The following ERAP1 variants were observed in gnomAD, a reference collection of about 807,000 sequenced individuals.
ERAP1 encodes the protein endoplasmic reticulum aminopeptidase 1, also known as adipocyte-derived leucine aminopeptidase.
ERAP1 carries 86 observed loss-of-function variants against 103.7 expected under a neutral mutation model. The ratio of observed to expected loss-of-function variants is 0.83; its 90% CI spans 0.70 to 0.99. The LOEUF is 0.99. ERAP1 is among the 50% of genes least tolerant of loss of function. The pLI, the probability that ERAP1 is intolerant of heterozygous loss-of-function variation, is 0.00. For missense variants in ERAP1, 1,009 were observed against 1,128.4 expected, an observed-to-expected ratio of 0.89 and a Z score of 1.52; for synonymous variants, 398 against 402.4, an observed-to-expected ratio of 0.99 and a Z score of 0.13.
chr5:96,821,331 A>G, the ERAP1 span, among the ~76,000 whole-genome samples: 1 of 152,250 alleles, frequency 6.6e-6, no homozygotes, highest in Non-Finnish European at 1.5e-5. Context: ...CCAAGATGAC[A>G]TATAAAATTA....
chr5:96,761,162 C>T (rs993390086), exon 20 of ERAP1: 2 of 152,018 alleles, frequency 1.3e-5, no homozygotes, highest in East Asian at 3.8e-4. Flanking sequence ...TATAGCTTTG[C>T]GATACAAATT....
At chr5:96,931,425 G>A in the ERAP1 span, among the ~76,000 whole-genome samples, 4 of 152,174 alleles carry the variant, frequency 2.6e-5, no homozygotes, top group African/African-American at 9.7e-5. Context: ...CCAAAGTGCT[G>A]GAATTGCAGG....
Position 96,792,243 on chromosome 5 carries a change from A to G in ERAP1, c.1189-51T>C, listed in dbSNP as rs550785177. 4 of 1,589,842 alleles carry G rather than the reference A, an allele frequency of 2.5e-6. No homozygotes were observed. In the South Asian group the frequency reaches 3.3e-5, roughly 13 times the overall value. The stretch of plus-strand genomic sequence containing the variant: ...TCACCTATGATTTACATTTAGATAA[A>G]AAATGTCAAAGGTGGGACATTTTAT... On this transcript the variant is annotated intron_variant, in intron 7 of 18. Transcript: ENST00000443439.
chr5:96,903,675 A>C, the ERAP1 span: 20 of 965,812 alleles, frequency 2.1e-5, no homozygotes, highest in South Asian at 5.8e-5. Flanking sequence ...ATTTGAATGG[A>C]ATTCAAACAG....
chr5:96,776,033 G>T lies in ERAP1; in HGVS notation c.*363C>A. The T allele has an allele frequency of 8.6e-7, 1 of 1,160,902 alleles. No individual in the cohort carries two copies. The highest frequency in any genetic ancestry group is 1.1e-6 in the Non-Finnish European group (1 of 926,404). The allele number at this position is 1,160,902 out of a possible 1,614,324, so 71.9% of individuals were successfully genotyped here. A position where few individuals can be genotyped will look rare whatever the true frequency, so the allele number is the denominator to read the frequency against. On this transcript the variant is annotated 3_prime_UTR_variant, in exon 19 of 19. Coordinates refer to ENST00000443439, the MANE Select transcript of ERAP1 (RefSeq NM_001040458.3). ...ATTGTTCAGTAGTCGACTATTCAGA[G>T]TCTTTCGAGGAGACTGATGAAACAG...
At chr5:96,799,782 C>T (rs1446673521) in intron 3 of ERAP1, among the ~76,000 whole-genome samples, 3 of 152,190 alleles carry the variant, frequency 2.0e-5, no homozygotes, top group African/African-American at 7.2e-5. Flanking sequence ...TGTTTCTTGT[C>T]TTTTCATATA....
chr5:96,816,796 C>T, the ERAP1 span, among the ~76,000 whole-genome samples: 1 of 152,198 alleles, frequency 6.6e-6, no homozygotes, highest in Non-Finnish European at 1.5e-5. Flanking sequence ...AACCTGCTTT[C>T]AGGACCCCTC....
intron 1 of ERAP1, chr5:96,804,937 C>CT (rs1422399087): frequency 7.9e-6 from 1 of 126,542 alleles, no homozygotes; most frequent in Non-Finnish European, 1.7e-5. Context: ...GAGCAAGACT[C>CT]TGTCTTTAAA....
At chr5:96,817,872 A>G in the ERAP1 span, among the ~76,000 whole-genome samples, 1 of 152,360 alleles carries the variant, frequency 6.6e-6, no homozygotes, top group Admixed American at 6.5e-5. Context: ...CCTAAAGCAC[A>G]TCTAGAATCT....
At chr5:96,824,700 A>C in the ERAP1 span, among the ~76,000 whole-genome samples, 1 of 152,198 alleles carries the variant, frequency 6.6e-6, no homozygotes, top group South Asian at 2.1e-4. Context: ...AAAAGTAGTC[A>C]CATCCCCTTA....
the ERAP1 span, among the ~76,000 whole-genome samples, chr5:96,839,127 G>A: frequency 6.6e-6 from 1 of 152,164 alleles, no homozygotes; most frequent in Non-Finnish European, 1.5e-5. Flanking sequence ...ACACTCACAG[G>A]GCAAGGTCTG....
chr5:96,790,374 A>G lies in ERAP1; in HGVS notation c.1453-7T>C, dbSNP rs745570390. The stretch of plus-strand genomic sequence containing the variant: ...CACCATCTGTAGGGCAAATCTAAAA[A>G]CCAAAAATAAACACATCACTCTTAT... On this transcript the variant is annotated splice_polypyrimidine_tract_variant and splice_region_variant and intron_variant, in intron 9 of 18. Transcript: ENST00000443439. 1 of 1,613,968 alleles carries G rather than the reference A, an allele frequency of 6.2e-7. No homozygotes were observed. Among genetic ancestry groups the G allele is most frequent in the South Asian group, 1.1e-5 (1 of 91,078 alleles).
chr5:96,921,983 T>C, the ERAP1 span, among the ~76,000 whole-genome samples: 2 of 152,210 alleles, frequency 1.3e-5, no homozygotes, highest in Non-Finnish European at 2.9e-5. Context: ...TTCTCAGTTT[T>C]AAAACTGTAT....
chr5:96,775,221 A>C lies in ERAP1; in HGVS notation c.*1175T>G, dbSNP rs1486346474. 1 of 985,184 alleles carries C rather than the reference A, an allele frequency of 1.0e-6. No homozygotes were observed. The highest frequency in any genetic ancestry group is 1.8e-5 in the African/African-American group (1 of 57,126). 61.0% of individuals were successfully genotyped at this position (985,184 alleles called of 1,614,324 possible). On this transcript the variant is annotated 3_prime_UTR_variant, in exon 19 of 19. Transcript: ENST00000443439. ...TATTATCATCTATACATAAAACCTG[A>C]GCAGCAACTGTGTGCTGAAGCAACC...
chr5:96,792,706 T>C (rs1442454197), intron 7 of ERAP1, among the ~76,000 whole-genome samples: 1 of 150,502 alleles, frequency 6.6e-6, no homozygotes, highest in Non-Finnish European at 1.5e-5. Context: ...AGGATTATAA[T>C]GCAATATTGA....
downstream of ERAP1, chr5:96,772,483 TTAAAAAAAA>T (rs147648464): frequency 3.2e-4 from 49 of 152,660 alleles, no homozygotes; most frequent in African/African-American, 1.2e-3. Context: ...TTTCCCAAAA[TTAAAAAAAA>T]TTCTATTAAT....
chr5:96,879,803 G>A, the ERAP1 span: 1 of 1,614,152 alleles, frequency 6.2e-7, no homozygotes, highest in Non-Finnish European at 8.5e-7. Context: ...TCAGTTCTCA[G>A]TGCCATCTAG....
chr5:96,859,060 TACACACACACACACACAC>T, the ERAP1 span, among the ~76,000 whole-genome samples: 86 of 144,832 alleles, frequency 5.9e-4, no homozygotes, highest in Middle Eastern at 3.5e-3. Context: ...GCCACATGCA[TACACACACACACACACAC>T]ACACACACAC....
chr5:96,917,090 T>C, the ERAP1 span, among the ~76,000 whole-genome samples: 1 of 152,200 alleles, frequency 6.6e-6, no homozygotes, highest in Non-Finnish European at 1.5e-5. Context: ...TTGAAAATTT[T>C]TGGAAGACGA....
Sources: allele counts gnomAD v4.1 joint callset (sites outside exome capture counted in the v4.1 genomes callset), GRCh38; gene constraint gnomAD v4.1.1; transcripts MANE v1.5; gene names NCBI Gene and HGNC (gene_info 2026-07-23, HGNC 2026-07-21).